Variants in L3MBTL4 observed in about 807,000 individuals in gnomAD.
L3MBTL4 encodes the protein L3MBTL histone methyl-lysine binding protein 4.
A neutral mutation model predicts 84.5 loss-of-function variants in L3MBTL4; 70 were observed. That is an observed-to-expected ratio of 0.83 (90% CI 0.68 to 1.01). L3MBTL4 has a LOEUF of 1.01. Ranked by LOEUF, L3MBTL4 falls within the 50% of genes least tolerant of loss-of-function variation. L3MBTL4 has a pLI of 0.00. For missense variants in L3MBTL4, 715 were observed against 754.8 expected, an observed-to-expected ratio of 0.95 and a Z score of 0.62; for synonymous variants, 274 against 259.8, an observed-to-expected ratio of 1.05 and a Z score of -0.52.
intron 16 of L3MBTL4, among the ~76,000 whole-genome samples, chr18:5,980,430 C>CTTTTTTT (rs10664833): frequency 2.4e-5 from 3 of 123,048 alleles, no homozygotes; most frequent in African/African-American, 6.2e-5. Flanking sequence ...TTAGTTTGCG[C>CTTTTTTT]TTTTTTTTTT....
At chr18:6,386,158 A>G (rs1271632589) in intron 1 of L3MBTL4, among the ~76,000 whole-genome samples, 1 of 152,238 alleles carries the variant, frequency 6.6e-6, no homozygotes, top group African/African-American at 2.4e-5. Flanking sequence ...CACTACAACT[A>G]GGAGATTGGA....
At chr18:6,345,092 A>G (rs1191306949) in intron 1 of L3MBTL4, among the ~76,000 whole-genome samples, 1 of 151,796 alleles carries the variant, frequency 6.6e-6, no homozygotes, top group African/African-American at 2.4e-5. Flanking sequence ...ACCATAGGCC[A>G]GGCACGGTAG....
At chr18:6,322,771 A>T (rs2051495294) in intron 1 of L3MBTL4, among the ~76,000 whole-genome samples, 1 of 152,190 alleles carries the variant, frequency 6.6e-6, no homozygotes, top group African/African-American at 2.4e-5. Flanking sequence ...TGCAGAACTG[A>T]GGATGGTAAA....
chr18:6,315,786 A>G (rs1438463081), intron 1 of L3MBTL4, among the ~76,000 whole-genome samples: 1 of 152,246 alleles, frequency 6.6e-6, no homozygotes, highest in Admixed American at 6.5e-5. Context: ...GCCTGTCTGC[A>G]TAGTGGCTTC....
chr18:6,221,829 C>A (rs953811623), intron 10 of L3MBTL4, among the ~76,000 whole-genome samples: 4 of 152,180 alleles, frequency 2.6e-5, no homozygotes, highest in African/African-American at 9.7e-5. Flanking sequence ...GGCAGTGAGT[C>A]ATCCAAATAT....
chr18:6,041,729 T>C (rs1238687090), intron 16 of L3MBTL4, among the ~76,000 whole-genome samples: 1 of 152,086 alleles, frequency 6.6e-6, no homozygotes, highest in Non-Finnish European at 1.5e-5. Flanking sequence ...GTTTCATTCT[T>C]CTTTTATTTT....
At chr18:6,308,396 C>G (rs193255527) in intron 3 of L3MBTL4, among the ~76,000 whole-genome samples, 1 of 152,148 alleles carries the variant, frequency 6.6e-6, no homozygotes, top group Non-Finnish European at 1.5e-5. Context: ...TCAAAATTTA[C>G]GAGCATATCC....
intron 16 of L3MBTL4, among the ~76,000 whole-genome samples, chr18:6,009,136 G>A (rs1472814123): frequency 6.6e-6 from 1 of 152,204 alleles, no homozygotes; most frequent in Non-Finnish European, 1.5e-5. Context: ...GTGAGCATCT[G>A]GCAGGCAAAG....
intron 4 of L3MBTL4, among the ~76,000 whole-genome samples, chr18:6,273,548 G>A (rs1481466724): frequency 6.6e-6 from 1 of 152,142 alleles, no homozygotes; most frequent in Non-Finnish European, 1.5e-5. Context: ...CAGAGGAGGC[G>A]ACCAGCACCA....
chr18:6,036,965 A>G (rs1204717662), intron 16 of L3MBTL4, among the ~76,000 whole-genome samples: 1 of 152,204 alleles, frequency 6.6e-6, no homozygotes, highest in East Asian at 1.9e-4. Flanking sequence ...CCAAAAGAAG[A>G]AAAGAGAAAA....
chr18:6,283,870 A>G (rs1431608794), intron 4 of L3MBTL4, among the ~76,000 whole-genome samples: 1 of 152,230 alleles, frequency 6.6e-6, no homozygotes. Flanking sequence ...CACACACTCT[A>G]CACTTCCTTT....
intron 1 of L3MBTL4, among the ~76,000 whole-genome samples, chr18:6,314,516 A>G (rs1177510899): frequency 6.6e-6 from 1 of 152,196 alleles, no homozygotes. Flanking sequence ...TTAATTAGAG[A>G]AGCTTCTAAA....
Position 6,386,277 on chromosome 18 carries a change from G to T in L3MBTL4, c.-91+28524C>A, listed in dbSNP as rs192422268. On this transcript the variant is annotated intron_variant, in intron 1 of 18. Coordinates refer to ENST00000317931, the MANE Select transcript of L3MBTL4 (RefSeq NM_001330559.2). ...GAACACTGAGCAAAAGGCATGACAGGGAGAAGAGCATAGGCCTTGGTGCAG... is the reference window on the plus strand; with the variant it reads ...GAACACTGAGCAAAAGGCATGACAGTGAGAAGAGCATAGGCCTTGGTGCAG... 9.8e-5 allele frequency among the ~76,000 whole-genome samples: 15 copies of T among 152,300 alleles called. No individual in the cohort carries two copies. The East Asian group carries it at 2.5e-3, about 25-fold the overall frequency.
At chr18:6,408,593 C>T (rs1288007030) in intron 1 of L3MBTL4, among the ~76,000 whole-genome samples, 1 of 152,188 alleles carries the variant, frequency 6.6e-6, no homozygotes, top group African/African-American at 2.4e-5. Flanking sequence ...GTCTTCACCA[C>T]TCTCTACTGC....
At chr18:6,050,357 T>A (rs528325662) in intron 16 of L3MBTL4, among the ~76,000 whole-genome samples, 8 of 152,330 alleles carry the variant, frequency 5.3e-5, no homozygotes, top group Non-Finnish European at 1.0e-4. Flanking sequence ...AGCTTTAGCA[T>A]TTTCCTTTGA....
intron 10 of L3MBTL4, among the ~76,000 whole-genome samples, chr18:6,235,856 G>A (rs147316741): frequency 6.6e-6 from 1 of 152,090 alleles, no homozygotes. Flanking sequence ...ATCAATAAAA[G>A]AAGAATAAAA....
At chr18:6,155,969 T>C (rs2043086413) in intron 13 of L3MBTL4, among the ~76,000 whole-genome samples, 1 of 152,170 alleles carries the variant, frequency 6.6e-6, no homozygotes, top group South Asian at 2.1e-4. Flanking sequence ...TAAATGTTTC[T>C]AATACCATGA....
Position 6,030,228 on chromosome 18 carries a change from A to G in L3MBTL4, c.1444+50653T>C, listed in dbSNP as rs139283772. 958 of 914,436 alleles carry G rather than the reference A, an allele frequency of 1.0e-3. 12 individuals carry two copies. In the African/African-American group the frequency reaches 0.016, roughly 15 times the overall value. The allele number at this position is 914,436 out of a possible 1,614,324, so 56.6% of individuals were successfully genotyped here. ...TGATTATTCCAAGGGAGGAAACTGAAGGCTGAGGATCAGGTTCAGGGAGAG... is the reference window on the plus strand; with the variant it reads ...TGATTATTCCAAGGGAGGAAACTGAGGGCTGAGGATCAGGTTCAGGGAGAG... On this transcript the variant is annotated intron_variant, in intron 16 of 18. Transcript: ENST00000317931.
At chr18:6,045,185 G>A (rs111463474) in intron 16 of L3MBTL4, among the ~76,000 whole-genome samples, 102 of 152,286 alleles carry the variant, frequency 6.7e-4, no homozygotes, top group Non-Finnish European at 9.0e-4. Context: ...ACAGCAGACC[G>A]TTCAGCAGAA....
Sources: gnomAD v4.1 joint callset for allele counts (sites outside exome capture counted in the v4.1 genomes callset) on GRCh38, gnomAD v4.1.1 for gene constraint, MANE v1.5 for transcripts, NCBI Gene and HGNC (gene_info 2026-07-23, HGNC 2026-07-21) for gene names.